The following PPP1R12A variants were observed in gnomAD, a reference collection of about 807,000 sequenced individuals.
The protein encoded by PPP1R12A is protein phosphatase 1 regulatory subunit 12A.
PPP1R12A carries 19 observed loss-of-function variants against 139.6 expected under a neutral mutation model. The ratio of observed to expected loss-of-function variants is 0.14; its 90% CI spans 0.09 to 0.20. The LOEUF (loss-of-function observed/expected upper bound fraction) is 0.20, where lower values mean the gene tolerates loss of function less well. Ranked by LOEUF, PPP1R12A falls within the 10% of genes least tolerant of loss-of-function variation. The pLI is 1.00. For synonymous variants in PPP1R12A, 427 were observed against 420.6 expected (o/e 1.02, Z -0.19); for missense variants, 925 against 1,211.5 (o/e 0.76, Z 3.51).
rs1481601087 is a variant in PPP1R12A, at chr12:79,873,355, T to C, written c.238-417A>G. 5.3e-5 allele frequency among the ~76,000 whole-genome samples: 8 copies of C among 152,140 alleles called. No homozygotes were observed. The South Asian group carries it at 1.0e-3, about 20-fold the overall frequency. On this transcript the variant is annotated intron_variant, in intron 1 of 24. Coordinates refer to ENST00000450142, the MANE Select transcript of PPP1R12A (RefSeq NM_002480.3). Reference sequence around the variant, plus strand: ...AAAACTAAGATGTCATTTCCCTTTTTTACTTTGTTGACATGTACACGTGAT... The same window carrying C: ...AAAACTAAGATGTCATTTCCCTTTTCTACTTTGTTGACATGTACACGTGAT...
intron 9 of PPP1R12A, among the ~76,000 whole-genome samples, chr12:79,812,509 T>G (rs1169080576): frequency 6.6e-6 from 1 of 151,574 alleles, no homozygotes; most frequent in Admixed American, 6.6e-5. Context: ...TGCTCTTGGA[T>G]CTCTCATATT....
chr12:79,845,707 G>A (rs1455194945), intron 2 of PPP1R12A, among the ~76,000 whole-genome samples: 2 of 151,988 alleles, frequency 1.3e-5, no homozygotes, highest in South Asian at 2.1e-4. Flanking sequence ...GTGGTGGTGG[G>A]CGCCTGTAGT....
chr12:79,840,779 A>G (rs1276295058), intron 3 of PPP1R12A, among the ~76,000 whole-genome samples: 1 of 152,152 alleles, frequency 6.6e-6, no homozygotes, highest in Non-Finnish European at 1.5e-5. Context: ...GCGTGTCACC[A>G]TATATCCTAC....
intron 2 of PPP1R12A, among the ~76,000 whole-genome samples, chr12:79,855,025 G>C (rs1880469000): frequency 6.6e-6 from 1 of 152,028 alleles, no homozygotes; most frequent in Non-Finnish European, 1.5e-5. Flanking sequence ...CCCTTGCTCT[G>C]TCGCCCAGGC....
At chr12:79,819,263 G>A (rs1875793871) in intron 8 of PPP1R12A, 2 of 152,274 alleles carry the variant, frequency 1.3e-5, no homozygotes, top group East Asian at 1.9e-4. Flanking sequence ...CATATAGCCC[G>A]ATTTTTCTCA....
chr12:79,835,147 C>A (rs1481135880), intron 3 of PPP1R12A, among the ~76,000 whole-genome samples: 1 of 152,070 alleles, frequency 6.6e-6, no homozygotes, highest in African/African-American at 2.4e-5. Context: ...GAGGAGGATA[C>A]CTTTTTTCCT....
At chr12:79,912,358 T>C (rs529557993) in intron 1 of PPP1R12A, among the ~76,000 whole-genome samples, 1 of 152,198 alleles carries the variant, frequency 6.6e-6, no homozygotes, top group Non-Finnish European at 1.5e-5. Context: ...GCTCCCAGTA[T>C]TATGACCGGC....
At chr12:79,776,357 G>A (rs1869722160) in intron 24 of PPP1R12A, among the ~76,000 whole-genome samples, 1 of 152,070 alleles carries the variant, frequency 6.6e-6, no homozygotes, top group Admixed American at 6.6e-5. Context: ...AGAGGTTCCT[G>A]TCAGCACCTA....
chr12:79,897,487 T>A (rs1240919317), intron 1 of PPP1R12A, among the ~76,000 whole-genome samples: 1 of 151,918 alleles, frequency 6.6e-6, no homozygotes, highest in Non-Finnish European at 1.5e-5. Flanking sequence ...TATACCCAGG[T>A]AACAAACCTG....
At chr12:79,835,976 A>C (rs1219322499) in intron 3 of PPP1R12A, among the ~76,000 whole-genome samples, 1 of 152,226 alleles carries the variant, frequency 6.6e-6, no homozygotes, top group African/African-American at 2.4e-5. Context: ...CAGCTTTTAA[A>C]AAGCAGACAA....
Position 79,878,055 on chromosome 12 carries a change from GTTTGT to G in PPP1R12A, c.238-5122_238-5118del, listed in dbSNP as rs1429536729. 2.0e-5 allele frequency among the ~76,000 whole-genome samples: 3 copies of G among 148,256 alleles called. No individual in the cohort carries two copies. The East Asian group carries it at 5.9e-4, about 29-fold the overall frequency. The stretch of plus-strand genomic sequence containing the variant: ...AATATATTAAGAAGGTTTTTTTTTT[GTTTGT>G]TTTGTTTTTTAAGCCTACAACACTA... On this transcript the variant is annotated intron_variant, in intron 1 of 24. Transcript: ENST00000450142.
chr12:79,820,581 C>G (rs1023216539), intron 8 of PPP1R12A, among the ~76,000 whole-genome samples, 193 bp downstream of exon 8: 1 of 151,984 alleles, frequency 6.6e-6, no homozygotes, highest in Non-Finnish European at 1.5e-5. Flanking sequence ...ACAACAGCCT[C>G]CAGATAATTA....
Position 79,786,491 on chromosome 12 carries a change from G to A in PPP1R12A, c.2803-13C>T. Reference sequence around the variant, plus strand: ...TTTGTTCATAAAGCTATAAAAATTAGGGTAAAAGAACAAATTACTTTTCTG... The same window carrying A: ...TTTGTTCATAAAGCTATAAAAATTAAGGTAAAAGAACAAATTACTTTTCTG... On this transcript the variant is annotated splice_polypyrimidine_tract_variant and intron_variant, in intron 21 of 24. Coordinates refer to ENST00000450142, the MANE Select transcript of PPP1R12A (RefSeq NM_002480.3). 1 of 1,485,504 alleles carries A rather than the reference G, an allele frequency of 6.7e-7. No homozygotes were observed. The highest frequency in any genetic ancestry group is 9.1e-7 in the Non-Finnish European group (1 of 1,104,602). 92.0% of individuals were successfully genotyped at this position (1,485,504 alleles called of 1,614,324 possible). A position where few individuals can be genotyped will look rare whatever the true frequency, so the allele number is the denominator to read the frequency against.
intron 9 of PPP1R12A, among the ~76,000 whole-genome samples, chr12:79,812,660 C>T (rs1874753565): frequency 4.0e-5 from 6 of 150,486 alleles, no homozygotes; most frequent in Admixed American, 3.9e-4. Context: ...TTTTACCTGT[C>T]TATTCTAGGT....
rs938053985 is a variant in PPP1R12A, at chr12:79,775,719, A to T, written c.*210T>A. On this transcript the variant is annotated 3_prime_UTR_variant, in exon 25 of 25. Transcript: ENST00000450142. ...TAACATGAAACAATGGTCTTGATTA[A>T]AAAAAAAAAACAAAAAACAAACCAA... 7.3e-5 allele frequency: 9 copies of T among 122,510 alleles called. No individual in the cohort carries two copies. In the African/African-American group the frequency reaches 9.1e-4, roughly 12 times the overall value. The allele number at this position is 122,510 out of a possible 1,614,324, so 7.6% of individuals were successfully genotyped here. A position where few individuals can be genotyped will look rare whatever the true frequency, so the allele number is the denominator to read the frequency against.
chr12:79,922,111 G>C (rs1887484579), intron 1 of PPP1R12A, among the ~76,000 whole-genome samples: 1 of 151,974 alleles, frequency 6.6e-6, no homozygotes, highest in Admixed American at 6.6e-5. Context: ...GATTTTAAAA[G>C]TCAGCCAGTT....
intron 1 of PPP1R12A, among the ~76,000 whole-genome samples, chr12:79,887,897 G>A (rs1565798479): frequency 6.6e-6 from 1 of 152,114 alleles, no homozygotes; most frequent in African/African-American, 2.4e-5. Flanking sequence ...ACCTCTTAAA[G>A]TCACTGAGTT....
chr12:79,872,703 A>C (rs1352619366), intron 2 of PPP1R12A, 105 bp downstream of exon 2: 1 of 1,214,718 alleles, frequency 8.2e-7, no homozygotes, highest in African/African-American at 1.5e-5. Context: ...AATTTTCATG[A>C]ATTAAAGTAA....
At chr12:79,931,051 TGACGATGTAAAATTGTCTTACCACCAAA>T (rs1315692754) in intron 1 of PPP1R12A, among the ~76,000 whole-genome samples, 5 of 152,232 alleles carry the variant, frequency 3.3e-5, no homozygotes, top group African/African-American at 1.2e-4. Context: ...AAGAAATTCC[TGACGATGTAAAATTGTCTTACCACCAAA>T]TTAATAATAC....
Sources: allele counts gnomAD v4.1 joint callset (sites outside exome capture counted in the v4.1 genomes callset), GRCh38; gene constraint gnomAD v4.1.1; transcripts MANE v1.5; gene names NCBI Gene and HGNC (gene_info 2026-07-23, HGNC 2026-07-21).